Variants in FRMD4A observed in about 807,000 individuals in gnomAD.
FRMD4A encodes the protein FERM domain-containing protein 4A.
FRMD4A carries 29 observed loss-of-function variants against 129.1 expected under a neutral mutation model. The ratio of observed to expected loss-of-function variants is 0.22; its 90% confidence interval spans 0.17 to 0.31. FRMD4A has a LOEUF of 0.31. Ranked by LOEUF, FRMD4A falls within the 10% of genes least tolerant of loss-of-function variation. The pLI is 1.00. For missense variants in FRMD4A, 1,272 were observed against 1,375.8 expected (o/e 0.92, Z 1.19); for synonymous variants, 634 against 571.6 (o/e 1.11, Z -1.56).
intron 15 of FRMD4A, chr10:13,685,054 C>T (rs2084947954): frequency 1.0e-6 from 1 of 984,920 alleles, no homozygotes; most frequent in East Asian, 1.1e-4. Flanking sequence ...TAAAAGATGT[C>T]CCAGGAGACC....
intron 3 of FRMD4A, among the ~76,000 whole-genome samples, chr10:13,830,089 T>C (rs2130936072): frequency 6.6e-6 from 1 of 152,324 alleles, no homozygotes; most frequent in South Asian, 2.1e-4. Flanking sequence ...TTACATGTTC[T>C]CTCTGGAGGA....
chr10:14,247,744 C>T (rs1043804003), intron 2 of FRMD4A, among the ~76,000 whole-genome samples: 1 of 152,156 alleles, frequency 6.6e-6, no homozygotes, highest in African/African-American at 2.4e-5. Context: ...GCACAGGACC[C>T]GCTCTGATTG....
At chr10:13,665,118 C>T (rs1053147950) in intron 18 of FRMD4A, among the ~76,000 whole-genome samples, 11 of 152,108 alleles carry the variant, frequency 7.2e-5, no homozygotes, top group Non-Finnish European at 1.2e-4. Context: ...GTGATCCGCC[C>T]GCCTCAGCCT....
chr10:14,064,912 C>T (rs1834985211), intron 2 of FRMD4A, among the ~76,000 whole-genome samples: 1 of 152,140 alleles, frequency 6.6e-6, no homozygotes, highest in Admixed American at 6.5e-5. Context: ...AGCAATGGAT[C>T]ATTCATTGAA....
At chr10:13,812,919 G>T (rs564382529) in intron 3 of FRMD4A, among the ~76,000 whole-genome samples, 1 of 152,308 alleles carries the variant, frequency 6.6e-6, no homozygotes, top group South Asian at 2.1e-4. Context: ...ACTCCTGGTG[G>T]AACGTCTACT....
intron 2 of FRMD4A, among the ~76,000 whole-genome samples, chr10:13,928,281 C>G (rs190928141): frequency 1.3e-3 from 193 of 152,156 alleles, no homozygotes; most frequent in African/African-American, 4.5e-3. Flanking sequence ...CTCGGTCTCC[C>G]AAAGTGCTGA....
intron 2 of FRMD4A, among the ~76,000 whole-genome samples, chr10:14,148,109 T>C (rs941948162): frequency 6.6e-6 from 1 of 152,162 alleles, no homozygotes; most frequent in African/African-American, 2.4e-5. Flanking sequence ...TATTGTGCAA[T>C]TTGTACAATG....
intron 2 of FRMD4A, among the ~76,000 whole-genome samples, chr10:14,146,915 T>A (rs1390854519): frequency 6.6e-6 from 1 of 152,260 alleles, no homozygotes; most frequent in African/African-American, 2.4e-5. Flanking sequence ...AATGCTTAAT[T>A]ACAGCAAATA....
At chr10:13,891,994 G>A (rs556519703) in intron 2 of FRMD4A, among the ~76,000 whole-genome samples, 8 of 149,912 alleles carry the variant, frequency 5.3e-5, no homozygotes, top group Admixed American at 6.6e-5. Context: ...GCCACCGCCC[G>A]CCGCCCGATC....
intron 3 of FRMD4A, among the ~76,000 whole-genome samples, chr10:13,816,448 G>A (rs946736463): frequency 6.6e-6 from 1 of 152,168 alleles, no homozygotes; most frequent in Non-Finnish European, 1.5e-5. Context: ...AGAGACATTG[G>A]GGGTTGTTTG....
Position 13,869,063 on chromosome 10 carries a change from GCT to G in FRMD4A, c.46-10153_46-10152del, listed in dbSNP as rs1564942766. On this transcript the variant is annotated intron_variant, in intron 2 of 24. Transcript: ENST00000357447. ...GAAAGCTCATCCTAGGGACGCTGCT[GCT>G]GCTGCTCATGCAGCAAAAGGAAATT... 6.6e-5 allele frequency among the ~76,000 whole-genome samples: 10 copies of G among 152,334 alleles called. No homozygotes were observed. The South Asian group carries it at 1.7e-3, about 25-fold the overall frequency.
chr10:14,314,803 C>T (rs141094554), intron 2 of FRMD4A, among the ~76,000 whole-genome samples: 117 of 152,276 alleles, frequency 7.7e-4, no homozygotes, highest in African/African-American at 2.6e-3. Context: ...TCCTCCCCAT[C>T]GCCTACAAAT....
At chr10:13,732,661 G>C (rs919041688) in intron 12 of FRMD4A, among the ~76,000 whole-genome samples, 1 of 152,218 alleles carries the variant, frequency 6.6e-6, no homozygotes, top group Non-Finnish European at 1.5e-5. Context: ...ACAGTGCTGG[G>C]TGTCACTCCC....
At chr10:13,930,071 C>T (rs1208969535) in intron 2 of FRMD4A, among the ~76,000 whole-genome samples, 1 of 152,110 alleles carries the variant, frequency 6.6e-6, no homozygotes, top group Non-Finnish European at 1.5e-5. Flanking sequence ...AAAAAAAATA[C>T]ATTTAATTTC....
chr10:14,092,656 T>C (rs1836726342), intron 2 of FRMD4A, among the ~76,000 whole-genome samples: 1 of 152,210 alleles, frequency 6.6e-6, no homozygotes, highest in African/African-American at 2.4e-5. Context: ...ATCGAAGGGA[T>C]ACATCGTGGT....
At chr10:14,052,724 A>ATT (rs10695815) in intron 2 of FRMD4A, among the ~76,000 whole-genome samples, 71,354 of 150,258 alleles carry the variant, frequency 0.47, 17,524 homozygotes, top group Middle Eastern at 0.58. Flanking sequence ...ATAACTGGCT[A>ATT]TTTTTTTTTC....
chr10:13,937,346 G>A (rs963331143), intron 2 of FRMD4A, among the ~76,000 whole-genome samples: 1 of 152,206 alleles, frequency 6.6e-6, no homozygotes, highest in African/African-American at 2.4e-5. Flanking sequence ...GAAAGGGTCA[G>A]CAGATGAACT....
chr10:13,923,629 A>G (rs576389325), intron 2 of FRMD4A, among the ~76,000 whole-genome samples: 1 of 152,246 alleles, frequency 6.6e-6, no homozygotes, highest in Non-Finnish European at 1.5e-5. Context: ...GCTATACCAC[A>G]TGTAATGCCT....
intron 4 of FRMD4A, among the ~76,000 whole-genome samples, chr10:13,804,723 T>A (rs1197793932): frequency 1.3e-5 from 2 of 149,972 alleles, no homozygotes; most frequent in African/African-American, 4.9e-5. Context: ...TCTTTTTTTT[T>A]TTTTTTTTGT....
Sources: gnomAD v4.1 joint callset for allele counts (sites outside exome capture counted in the v4.1 genomes callset) on GRCh38, gnomAD v4.1.1 for gene constraint, MANE v1.5 for transcripts, NCBI Gene and HGNC (gene_info 2026-07-23, HGNC 2026-07-21) for gene names.